The following ANO4 variants were observed in gnomAD, a reference collection of about 807,000 sequenced individuals.
The protein encoded by ANO4 is anoctamin 4.
In ANO4, 69 loss-of-function variants were observed where a neutral mutation model predicts 141.9. That is an observed-to-expected ratio of 0.49 (90% CI 0.40 to 0.59). The LOEUF (loss-of-function observed/expected upper bound fraction) is 0.59. ANO4 is among the 20% of genes least tolerant of loss of function. The pLI is 0.00. For synonymous variants in ANO4, 350 were observed against 394.3 expected, an observed-to-expected ratio of 0.89 and a Z score of 1.33; for missense variants, 894 against 1,162.2, an observed-to-expected ratio of 0.77 and a Z score of 3.36.
At chr12:100,733,198 G>A (rs1166856607) in intron 1 of ANO4, among the ~76,000 whole-genome samples, 1 of 152,128 alleles carries the variant, frequency 6.6e-6, no homozygotes, top group African/African-American at 2.4e-5. Context: ...TGGTTTACAA[G>A]ACACTTTGCA....
chr12:100,794,152 A>C (rs1223082416), upstream of ANO4, among the ~76,000 whole-genome samples: 1 of 152,188 alleles, frequency 6.6e-6, no homozygotes, highest in Non-Finnish European at 1.5e-5. Flanking sequence ...TCTCTGTCTT[A>C]AATTTTTCAC....
Position 101,086,779 on chromosome 12 carries a change from G to A in ANO4, c.1656G>A (p.Gly552=), listed in dbSNP as rs2049520752. The change falls in exon 17 of 28, where the codon GGG becomes GGA. Residue 552 remains glycine (G), a synonymous_variant. Transcript: ENST00000392977. ...ATAACTCTCAGGTTGCAACCACAGG[G>A]ACTGCTGTGTGCATCAACTTCTGTA... is the stretch of plus-strand genomic sequence containing the variant. ...IRNNSQVATT[G]TAVCINFCII... The A allele has an allele frequency of 1.2e-6, 2 of 1,613,792 alleles. No homozygotes were observed. Among genetic ancestry groups the A allele is most frequent in the Non-Finnish European group, 1.7e-6 (2 of 1,179,764 alleles).
intron 5 of ANO4, among the ~76,000 whole-genome samples, chr12:100,961,526 A>G (rs1035057659): frequency 9.2e-5 from 14 of 152,224 alleles, no homozygotes; most frequent in Non-Finnish European, 1.5e-4. Flanking sequence ...AGCATGAACA[A>G]GAAATAAACT....
At chr12:100,975,781 G>T in intron 7 of ANO4, among the ~76,000 whole-genome samples, 1 of 151,936 alleles carries the variant, frequency 6.6e-6, no homozygotes. Flanking sequence ...TCCACTATAT[G>T]TAATTTGAAA....
rs2050614427 is a variant in ANO4 at position 101,110,324 on chromosome 12, A to G, written c.2150-80A>G. The G allele has an allele frequency of 3.5e-6, 5 of 1,412,572 alleles. No homozygotes were observed. The East Asian group carries it at 1.2e-4, about 35-fold the overall frequency. The allele number at this position is 1,412,572 out of a possible 1,614,324, so 87.5% of individuals were successfully genotyped here. On this transcript the variant is annotated intron_variant, in intron 22 of 27. Coordinates refer to ENST00000392977, the MANE Select transcript of ANO4 (RefSeq NM_001286615.2). ...GGGAAAAATGGGACTTAAGACAATA[A>G]CATATTCAGATTATGATCCCTTTGA...
chr12:101,031,609 G>A (rs575279671), intron 9 of ANO4, among the ~76,000 whole-genome samples: 1 of 152,258 alleles, frequency 6.6e-6, no homozygotes, highest in Non-Finnish European at 1.5e-5. Context: ...AAGAAATAAA[G>A]TGTATTCAAA....
Position 100,950,777 on chromosome 12 carries a change from C to T in ANO4, c.456+8242C>T, listed in dbSNP as rs142858313. Among the ~76,000 whole-genome samples, 4 of 152,096 alleles carry T rather than the reference C, an allele frequency of 2.6e-5. No homozygotes were observed. The South Asian group carries it at 6.2e-4, about 24-fold the overall frequency. ...AAGGTGGTGAGAGGTAGGCACTGTCCGTTTGGCTGAGGATCATTCTGGGTA... is the reference window on the plus strand; with the variant it reads ...AAGGTGGTGAGAGGTAGGCACTGTCTGTTTGGCTGAGGATCATTCTGGGTA... On this transcript the variant is annotated intron_variant, in intron 5 of 27. Transcript: ENST00000392977.
chr12:100,886,492 A>G (rs895604871), intron 1 of ANO4, among the ~76,000 whole-genome samples: 5 of 152,028 alleles, frequency 3.3e-5, no homozygotes, highest in African/African-American at 9.7e-5. Context: ...AACCTTCACC[A>G]TGGGGGGCGT....
chr12:101,012,335 A>T (rs2046131659), intron 8 of ANO4, among the ~76,000 whole-genome samples: 1 of 152,112 alleles, frequency 6.6e-6, no homozygotes, highest in Non-Finnish European at 1.5e-5. Flanking sequence ...AACATAAGAG[A>T]ATAAAACAGG....
chr12:101,111,833 T>C (rs1593298505), intron 24 of ANO4, 123 bp downstream of exon 24: 6 of 746,184 alleles, frequency 8.0e-6, no homozygotes, highest in Admixed American at 7.4e-5. Flanking sequence ...AGGCCTGTGA[T>C]AGGGGAGGTG....
At chr12:101,035,480 G>T (rs1368655265) in intron 9 of ANO4, among the ~76,000 whole-genome samples, 3 of 152,178 alleles carry the variant, frequency 2.0e-5, no homozygotes, top group Admixed American at 2.0e-4. Context: ...ATATACTTAT[G>T]TCGAAACATC....
At chr12:100,740,255 T>C in intron 3 of ANO4, 1 of 598,004 alleles carries the variant, frequency 1.7e-6, no homozygotes, top group Non-Finnish European at 3.0e-6. Flanking sequence ...GGCTTTTCTT[T>C]TTAATGAGAT....
At chr12:100,919,269 C>T (rs1430802054) in intron 2 of ANO4, among the ~76,000 whole-genome samples, 1 of 151,968 alleles carries the variant, frequency 6.6e-6, no homozygotes, top group Non-Finnish European at 1.5e-5. Flanking sequence ...ATAAAGTCTA[C>T]CAATGTGCAA....
At chr12:100,857,885 A>G (rs1173853909) in intron 1 of ANO4, among the ~76,000 whole-genome samples, 2 of 152,126 alleles carry the variant, frequency 1.3e-5, no homozygotes, top group African/African-American at 2.4e-5. Context: ...CAAACCACCA[A>G]AGATAATATT....
intron 17 of ANO4, among the ~76,000 whole-genome samples, chr12:101,092,222 C>CA (rs754145181): frequency 1.5e-3 from 216 of 140,006 alleles, no homozygotes; most frequent in African/African-American, 1.2e-3. Context: ...TCTCATCTTC[C>CA]AAAAAAAAAA....
intron 14 of ANO4, among the ~76,000 whole-genome samples, chr12:101,067,719 G>C (rs1173345298): frequency 6.6e-6 from 1 of 152,132 alleles, no homozygotes; most frequent in Non-Finnish European, 1.5e-5. Context: ...GCAGTTTTCA[G>C]CCCTTGATTG....
Position 101,111,549 on chromosome 12 carries a change from T to C in ANO4, c.2303-14T>C, listed in dbSNP as rs748407283. 3.1e-6 allele frequency: 5 copies of C among 1,593,656 alleles called. No individual in the cohort carries two copies. Among genetic ancestry groups the C allele is most frequent in the Non-Finnish European group, 4.3e-6 (5 of 1,170,362 alleles). ...TTTGTGTATGGAACTAACACAACACTTCTATTTGAATAGGAATTTGGTATG... is the reference window on the plus strand; with the variant it reads ...TTTGTGTATGGAACTAACACAACACCTCTATTTGAATAGGAATTTGGTATG... On this transcript the variant is annotated splice_polypyrimidine_tract_variant and intron_variant, in intron 23 of 27. Coordinates refer to ENST00000392977, the MANE Select transcript of ANO4 (RefSeq NM_001286615.2).
chr12:100,803,404 A>G (rs2034811729), intron 1 of ANO4, among the ~76,000 whole-genome samples: 1 of 152,216 alleles, frequency 6.6e-6, no homozygotes, highest in Non-Finnish European at 1.5e-5. Flanking sequence ...ACAAGAACAA[A>G]TTCTGCCCAA....
intron 5 of ANO4, among the ~76,000 whole-genome samples, chr12:100,959,944 G>T (rs748736199): frequency 8.5e-5 from 13 of 152,118 alleles, no homozygotes; most frequent in Non-Finnish European, 1.6e-4. Context: ...TTTAGTTTTT[G>T]ATCTCAGGAT....
Sources: allele counts gnomAD v4.1 joint callset (sites outside exome capture counted in the v4.1 genomes callset), GRCh38; gene constraint gnomAD v4.1.1; transcripts MANE v1.5; gene names NCBI Gene and HGNC (gene_info 2026-07-23, HGNC 2026-07-21).